Variants in INSC observed in about 807,000 individuals in gnomAD.
The protein encoded by INSC is protein inscuteable homolog.
INSC carries 67 observed loss-of-function variants against 58.6 expected under a neutral mutation model. That is an observed-to-expected ratio of 1.14 (90% CI 0.94 to 1.40). The LOEUF (loss-of-function observed/expected upper bound fraction) is 1.40, where lower values mean the gene tolerates loss of function less well. Among genes scored for constraint, INSC ranks in the 40% most tolerant of loss-of-function variants. INSC has a pLI of 0.00. For synonymous variants in INSC, 262 were observed against 276.1 expected, an observed-to-expected ratio of 0.95 and a Z score of 0.51; for missense variants, 714 against 692.0, an observed-to-expected ratio of 1.03 and a Z score of -0.36.
chr11:15,132,763 A>G (rs574130226), intron 1 of INSC, among the ~76,000 whole-genome samples: 4 of 152,326 alleles, frequency 2.6e-5, no homozygotes, highest in African/African-American at 9.6e-5. Context: ...GAATGCTTAT[A>G]TTTCATACTT....
rs1329759390 is a variant in INSC, at chr11:15,246,643, T to C, written c.*603T>C. The C allele has an allele frequency of 6.6e-6, 1 of 152,538 alleles. No homozygotes were observed. The highest frequency in any genetic ancestry group is 1.5e-5 in the Non-Finnish European group (1 of 68,046). The allele number at this position is 152,538 out of a possible 1,614,324, so 9.4% of individuals were successfully genotyped here. On this transcript the variant is annotated 3_prime_UTR_variant, in exon 13 of 13. Coordinates refer to ENST00000379556, the MANE Select transcript of INSC (RefSeq NM_001042536.3). Reference sequence around the variant, plus strand: ...CACAGAATTGTCTTGTTTTCATAGGTGTATAAATAGGTTAAGTTCTGAGTG... The same window carrying C: ...CACAGAATTGTCTTGTTTTCATAGGCGTATAAATAGGTTAAGTTCTGAGTG...
intron 2 of INSC, among the ~76,000 whole-genome samples, chr11:15,173,380 A>G (rs947896879): frequency 1.3e-5 from 2 of 152,226 alleles, no homozygotes; most frequent in Admixed American, 6.5e-5. Context: ...AAAATATAAA[A>G]TGATACTTAC....
intron 7 of INSC, among the ~76,000 whole-genome samples, chr11:15,206,766 G>A (rs1850817248): frequency 1.3e-5 from 2 of 152,172 alleles, no homozygotes; most frequent in African/African-American, 4.8e-5. Context: ...TGTAAAATGG[G>A]ACTCCCACCT....
At chr11:15,162,852 AC>A (rs2133789448) in intron 2 of INSC, among the ~76,000 whole-genome samples, 1 of 152,294 alleles carries the variant, frequency 6.6e-6, no homozygotes, top group East Asian at 1.9e-4. Flanking sequence ...AGTAAGAGGG[AC>A]TGGACTTCTT....
rs751817712 is a variant in INSC at position 15,169,530 on chromosome 11, GTTGTTTGT to G, written c.57-6192_57-6185del. Among the ~76,000 whole-genome samples, 904 of 131,792 alleles carry G rather than the reference GTTGTTTGT, an allele frequency of 6.9e-3. 4 individuals carry two copies. Among genetic ancestry groups the G allele is most frequent in the African/African-American group, 0.024 (876 of 35,764 alleles). 86.5% of individuals were successfully genotyped at this position (131,792 alleles called of 152,430 possible). On this transcript the variant is annotated intron_variant, in intron 2 of 12. Transcript: ENST00000379556. ...TGGGCTCACAGTTTTTGTTGTTGTT[GTTGTTTGT>G]TTGTTTGTTTGTTTGTTTTTTTAGA...
intron 1 of INSC, among the ~76,000 whole-genome samples, chr11:15,126,789 A>T (rs1848007239): frequency 6.6e-6 from 1 of 152,224 alleles, no homozygotes; most frequent in Admixed American, 6.5e-5. Flanking sequence ...TACAGAACAG[A>T]TGCTCTACCT....
At chr11:15,194,806 G>A (rs141416793) in intron 6 of INSC, among the ~76,000 whole-genome samples, 43 of 152,284 alleles carry the variant, frequency 2.8e-4, no homozygotes, top group African/African-American at 9.6e-4. Flanking sequence ...CAGAGTTCAT[G>A]GTCCTAAACC....
At chr11:15,209,863 A>G (rs1407174716) in intron 7 of INSC, among the ~76,000 whole-genome samples, 1 of 152,158 alleles carries the variant, frequency 6.6e-6, no homozygotes, top group African/African-American at 2.4e-5. Context: ...TGCTGTGATC[A>G]GTTTCAGACC....
chr11:15,120,158 G>C (rs1274623062), intron 1 of INSC, among the ~76,000 whole-genome samples: 11 of 152,206 alleles, frequency 7.2e-5, no homozygotes, highest in Admixed American at 7.2e-4. Context: ...TGATGAAAGA[G>C]ACTAAAGTTA....
chr11:15,214,285 C>T (rs1286084776), intron 7 of INSC, among the ~76,000 whole-genome samples: 1 of 152,146 alleles, frequency 6.6e-6, no homozygotes. Flanking sequence ...CTTTAGATGT[C>T]TGGAAGGACA....
At chr11:15,235,539 G>A (rs761185469) in intron 9 of INSC, 63 bp from the exon 10 acceptor site, 5 of 1,303,342 alleles carry the variant, frequency 3.8e-6, no homozygotes, top group Admixed American at 1.7e-5. Context: ...TGACCTGTCT[G>A]TAGGGAGGAC....
chr11:15,154,534 T>C (rs1385695966), intron 2 of INSC, among the ~76,000 whole-genome samples: 8 of 152,184 alleles, frequency 5.3e-5, no homozygotes, highest in Non-Finnish European at 1.2e-4. Context: ...TTAAGAAGTA[T>C]TTTTAGTCTT....
At chr11:15,121,111 A>G (rs1847861799) in intron 1 of INSC, among the ~76,000 whole-genome samples, 1 of 151,972 alleles carries the variant, frequency 6.6e-6, no homozygotes, top group Non-Finnish European at 1.5e-5. Flanking sequence ...AATTGGAGAC[A>G]TGATGCCTCT....
chr11:15,249,408 T>C (rs1193598040), downstream of INSC, among the ~76,000 whole-genome samples: 2 of 152,116 alleles, frequency 1.3e-5, no homozygotes, highest in Non-Finnish European at 2.9e-5. Flanking sequence ...AAGCAAATAA[T>C]ATCCCTCCTT....
At chr11:15,203,845 G>A (rs1278063184) in intron 7 of INSC, among the ~76,000 whole-genome samples, 2 of 135,980 alleles carry the variant, frequency 1.5e-5, no homozygotes, top group Admixed American at 7.6e-5. Context: ...TTTTTAAATG[G>A]TCAGAAAAAA....
At chr11:15,151,821 C>CA (rs1848660755) in intron 2 of INSC, among the ~76,000 whole-genome samples, 1 of 152,150 alleles carries the variant, frequency 6.6e-6, no homozygotes, top group Admixed American at 6.5e-5. Context: ...CCAGGGTCCA[C>CA]ACAGGGCTGG....
chr11:15,185,014 T>C (rs1849913324), intron 5 of INSC, among the ~76,000 whole-genome samples: 1 of 152,214 alleles, frequency 6.6e-6, no homozygotes, highest in African/African-American at 2.4e-5. Flanking sequence ...ATTTGATAAG[T>C]CTTGGAAAAG....
downstream of INSC, among the ~76,000 whole-genome samples, chr11:15,248,790 G>A (rs1352120995): frequency 1.3e-5 from 2 of 152,140 alleles, no homozygotes; most frequent in Non-Finnish European, 2.9e-5. Flanking sequence ...GGGCCTAGTA[G>A]GAAACAGACT....
chr11:15,124,332 T>C (rs1847940316), intron 1 of INSC, among the ~76,000 whole-genome samples: 1 of 152,154 alleles, frequency 6.6e-6, no homozygotes, highest in Non-Finnish European at 1.5e-5. Context: ...AGACCAGAAG[T>C]GGCCACACTG....
Sources: allele counts gnomAD v4.1 joint callset (sites outside exome capture counted in the v4.1 genomes callset), GRCh38; gene constraint gnomAD v4.1.1; transcripts MANE v1.5; gene names NCBI Gene and HGNC (gene_info 2026-07-23, HGNC 2026-07-21).